The following HCN3 variants were observed in gnomAD, a reference collection of about 807,000 sequenced individuals.
The protein encoded by HCN3 is hyperpolarization activated cyclic nucleotide gated potassium channel 3, also known as potassium/sodium hyperpolarization-activated cyclic nucleotide-gated channel 3.
A neutral mutation model predicts 56.8 loss-of-function variants in HCN3; 36 were observed. The observed-to-expected ratio is 0.63, with a 90% CI of 0.49 to 0.84. The LOEUF (loss-of-function observed/expected upper bound fraction) is 0.84, where lower values mean the gene tolerates loss of function less well. Ranked by LOEUF, HCN3 falls within the 40% of genes least tolerant of loss-of-function variation. HCN3 has a pLI of 0.00. For synonymous variants in HCN3, 425 were observed against 439.7 expected, an observed-to-expected ratio of 0.97 and a Z score of 0.42; for missense variants, 930 against 1,079.3, an observed-to-expected ratio of 0.86 and a Z score of 1.94.
chr1:155,287,834 A>G lies in HCN3; in HGVS notation c.1696A>G (p.Ser566Gly), dbSNP rs1335159897. 3.7e-6 allele frequency: 6 copies of G among 1,611,894 alleles called. No homozygotes were observed. Among genetic ancestry groups the G allele is most frequent in the South Asian group, 1.1e-5 (1 of 90,936 alleles). The change falls in exon 8 of 8, where the codon AGT becomes GGT. Residue 566 changes from serine (S) to glycine (G), a missense_variant. By Grantham distance (56) the Ser-to-Gly change is moderately conservative. Coordinates refer to ENST00000368358, the MANE Select transcript of HCN3 (RefSeq NM_020897.3). ...RKRSEPSPGS[S>G]GGIMEQHLVQ... The stretch of plus-strand genomic sequence containing the variant: ...GCGCTCCGAGCCAAGTCCAGGCAGC[A>G]GTGGTGGCATCATGGAGCAGCACTT...
Position 155,285,307 on chromosome 1 carries a change from G to C in HCN3, c.1232G>C (p.Arg411Pro), listed in dbSNP as rs112470069. ...CTGGGCGAGCTGAGCGAGCCGCTTC[G>C]CGAGGTGGGGCTGGGTTGGGCCTGG... ...SILGELSEPLREEIINFTCRG... is the reference protein window; with the variant it reads ...SILGELSEPLPEEIINFTCRG... The change falls in exon 5 of 8, where the codon CGC (arginine) becomes CCC (proline). Residue 411 changes from arginine to proline, a missense_variant. Coordinates refer to ENST00000368358, the MANE Select transcript of HCN3 (RefSeq NM_020897.3). The surrounding 1 kb of genome is among the most constrained non-coding windows in gnomAD (Gnocchi z 4.5). 6.2e-7 allele frequency: 1 copy of C among 1,613,914 alleles called. No homozygotes were observed. Among genetic ancestry groups the C allele is most frequent in the South Asian group, 1.1e-5 (1 of 91,060 alleles).
In HCN3 at chr1:155,285,030, T is replaced by A. The variant is rs1025601023; in HGVS notation, c.1090-135T>A. On this transcript the variant is annotated intron_variant, in intron 4 of 7. Coordinates refer to ENST00000368358, the MANE Select transcript of HCN3 (RefSeq NM_020897.3). The surrounding 1 kb of genome is among the most constrained non-coding windows in gnomAD (Gnocchi z 4.5). The stretch of plus-strand genomic sequence containing the variant: ...ATCCGTATTCCTCTGTGGCCCTGTG[T>A]ATCCATGTCTGGTTCCACGTTTCAC... 14 of 991,414 alleles carry A rather than the reference T, an allele frequency of 1.4e-5. No individual in the cohort carries two copies. Among genetic ancestry groups the A allele is most frequent in the East Asian group, 2.4e-5 (1 of 41,084 alleles). The allele number at this position is 991,414 out of a possible 1,614,324, so 61.4% of individuals were successfully genotyped here.
intron 7 of HCN3, among the ~76,000 whole-genome samples, 176 bp from the exon 8 acceptor site, chr1:155,287,605 A>G (rs893676310): frequency 2.0e-5 from 3 of 151,360 alleles, no homozygotes; most frequent in Admixed American, 1.3e-4. Flanking sequence ...TCTCTGATAC[A>G]TACCCTCTTC....
rs757212254 is a variant in HCN3 at position 155,285,855 on chromosome 1, G to A, written c.1368G>A (p.Val456=). 1.7e-5 allele frequency: 28 copies of A among 1,614,126 alleles called. No homozygotes were observed. The highest frequency in any genetic ancestry group is 2.4e-5 in the Non-Finnish European group (28 of 1,180,046). The change falls in exon 6 of 8, where the codon GTG becomes GTA. Residue 456 remains valine, a synonymous_variant. Transcript: ENST00000368358. This position sits in a 1 kb window ranked among gnomAD's most constrained non-coding sequence, Gnocchi z 4.5. ...FEVFQPGDLV[V]REGSVGRKMY... is the part of the protein sequence containing the mutation. The stretch of plus-strand genomic sequence containing the variant: ...TCTTCCAGCCGGGGGATCTCGTGGT[G>A]CGTGAGGGCTCCGTGGGGAGGAAGA...
At chr1:155,280,670 C>T (rs187684266) in intron 1 of HCN3, among the ~76,000 whole-genome samples, 4 of 150,260 alleles carry the variant, frequency 2.7e-5, no homozygotes, top group Admixed American at 1.3e-4. Context: ...AATCTCCTGA[C>T]CTTGTGATCT....
In HCN3 at chr1:155,285,165, T is replaced by C; in HGVS notation, c.1090T>C (p.Tyr364His). The change falls in exon 5 of 8, where the codon TAC becomes CAC. Residue 364 changes from tyrosine (Y) to histidine (H), a missense_variant and splice_region_variant. Transcript: ENST00000368358. This position sits in a 1 kb window ranked among gnomAD's most constrained non-coding sequence, Gnocchi z 4.5. ...CCCTGGCAATGGGCTGGCCCTCCAG[T>C]ACAAGCAGGTGGAGCAGTACATGTC... Reference protein sequence around the residue: ...DSSRRQYQEKYKQVEQYMSFH... With the variant: ...DSSRRQYQEKHKQVEQYMSFH... The C allele has an allele frequency of 6.2e-7, 1 of 1,613,768 alleles. No homozygotes were observed. The highest frequency in any genetic ancestry group is 8.5e-7 in the Non-Finnish European group (1 of 1,179,716).
At chr1:155,287,417 G>A (rs1674332939) in intron 7 of HCN3, 80 bp downstream of exon 7, 6 of 1,530,070 alleles carry the variant, frequency 3.9e-6, no homozygotes, top group Non-Finnish European at 5.4e-6. Flanking sequence ...CCAGGCTTTA[G>A]GGCTCCAGGG....
Position 155,280,684 on chromosome 1 carries a change from C to T in HCN3, c.279-1727C>T, listed in dbSNP as rs1302110029. ...CAATCTCCTGACCTTGTGATCTGCC[C>T]ACCTTGGCCTCCCAAAGTGCTGGGA... On this transcript the variant is annotated intron_variant, in intron 1 of 7. Transcript: ENST00000368358. Among the ~76,000 whole-genome samples, 4 of 151,198 alleles carry T rather than the reference C, an allele frequency of 2.6e-5. No individual in the cohort carries two copies. The East Asian group carries it at 7.7e-4, about 29-fold the overall frequency.
At chr1:155,286,224 A>C (rs994930056) in intron 6 of HCN3, among the ~76,000 whole-genome samples, 2 of 151,978 alleles carry the variant, frequency 1.3e-5, no homozygotes, top group Non-Finnish European at 2.9e-5. Context: ...CGGCTCACTG[A>C]AAGCTCTGCC....
At chr1:155,283,849 T>C (rs1202203622) in intron 2 of HCN3, 125 bp from the exon 3 acceptor site, 1 of 936,346 alleles carries the variant, frequency 1.1e-6, no homozygotes, top group African/African-American at 1.7e-5. Context: ...ATAATAGTTG[T>C]ATTTTTTAAT....
chr1:155,279,251 C>A (rs890931628), intron 1 of HCN3, among the ~76,000 whole-genome samples: 6 of 152,064 alleles, frequency 3.9e-5, no homozygotes, highest in African/African-American at 1.4e-4. Flanking sequence ...TAACTGAGTC[C>A]CTGAGATTTT....
chr1:155,288,746 G>A lies in HCN3; in HGVS notation c.*283G>A. 2.2e-6 allele frequency: 1 copy of A among 445,726 alleles called. No homozygotes were observed. Among genetic ancestry groups the A allele is most frequent in the Non-Finnish European group, 3.9e-6 (1 of 253,754 alleles). The allele number at this position is 445,726 out of a possible 1,614,324, so 27.6% of individuals were successfully genotyped here. A position where few individuals can be genotyped will look rare whatever the true frequency, so the allele number is the denominator to read the frequency against. The stretch of plus-strand genomic sequence containing the variant: ...CGCTGTATGTCTCCACTGCCAAGTA[G>A]AAGTGACTCAAAACCCTCTGACAAG... On this transcript the variant is annotated 3_prime_UTR_variant, in exon 8 of 8. Coordinates refer to ENST00000368358, the MANE Select transcript of HCN3 (RefSeq NM_020897.3). The surrounding 1 kb of genome is among the most constrained non-coding windows in gnomAD (Gnocchi z 6.5).
Position 155,285,437 on chromosome 1 carries a change from C to G in HCN3, c.1236+126C>G. 2 of 1,305,822 alleles carry G rather than the reference C, an allele frequency of 1.5e-6. No homozygotes were observed. The highest frequency in any genetic ancestry group is 5.0e-5 in the East Asian group (2 of 39,920). 80.9% of individuals were successfully genotyped at this position (1,305,822 alleles called of 1,614,324 possible). ...GCCTGCAGAGGGCCCCGTGGGAGGC[C>G]AGGTATTTGGGCTTTCAGGGGCTAG... On this transcript the variant is annotated intron_variant, in intron 5 of 7. Coordinates refer to ENST00000368358, the MANE Select transcript of HCN3 (RefSeq NM_020897.3). The surrounding 1 kb of genome is among the most constrained non-coding windows in gnomAD (Gnocchi z 4.5).
rs141108222 is a variant in HCN3, at chr1:155,285,223, G to A, written c.1148G>A (p.Arg383His). The A allele has an allele frequency of 1.9e-4, 307 of 1,614,202 alleles. 1 individual carries two copies. In the African/African-American group the frequency reaches 3.3e-3, roughly 18 times the overall value. Residue 383 changes from arginine to histidine, a missense_variant, in exon 5 of 8, where the codon CGC (arginine) becomes CAC (histidine). Physicochemically the swap from Arg to His is conservative, Grantham distance 29. Transcript: ENST00000368358. This position sits in a 1 kb window ranked among gnomAD's most constrained non-coding sequence, Gnocchi z 4.5. Reference sequence around the variant, plus strand: ...AAGCTGCCAGCAGACACGCGGCAGCGCATCCACGAGTACTATGAGCACCGC... The same window carrying A: ...AAGCTGCCAGCAGACACGCGGCAGCACATCCACGAGTACTATGAGCACCGC... ...FHKLPADTRQ[R>H]IHEYYEHRYQ...
chr1:155,286,046 T>C (rs11264352), intron 6 of HCN3, 82 bp downstream of exon 6: 444,974 of 1,506,036 alleles, frequency 0.3, 73,033 homozygotes, highest in East Asian at 0.72. Context: ...GGTCCCTGCC[T>C]CAGTACGCTG....
chr1:155,282,894 G>A lies in HCN3; in HGVS notation c.708+54G>A, dbSNP rs144875017. 14 of 1,432,422 alleles carry A rather than the reference G, an allele frequency of 9.8e-6. No individual in the cohort carries two copies. In the South Asian group the frequency reaches 1.6e-4, roughly 17 times the overall value. The allele number at this position is 1,432,422 out of a possible 1,614,324, so 88.7% of individuals were successfully genotyped here. A position where few individuals can be genotyped will look rare whatever the true frequency, so the allele number is the denominator to read the frequency against. On this transcript the variant is annotated intron_variant, in intron 2 of 7. Coordinates refer to ENST00000368358, the MANE Select transcript of HCN3 (RefSeq NM_020897.3). The surrounding 1 kb of genome is among the most constrained non-coding windows in gnomAD (Gnocchi z 4.7). ...GTGGGTGGGGGATGTTGGGGGAGAA[G>A]GGGGCGGGGCGGCTGGTGGACTTCT...
Position 155,288,042 on chromosome 1 carries a change from C to T in HCN3, c.1904C>T (p.Pro635Leu), listed in dbSNP as rs1426036173. The T allele has an allele frequency of 6.2e-7, 1 of 1,613,892 alleles. No homozygotes were observed. Among genetic ancestry groups the T allele is most frequent in the Non-Finnish European group, 8.5e-7 (1 of 1,179,976 alleles). ...CAGCGGGGCCCTCTGCCCCTCTCCC[C>T]TGACTCTCCAGCCACCCTCCTTGCT... ...THQRGPLPLSPDSPATLLARS... is the reference protein window; with the variant it reads ...THQRGPLPLSLDSPATLLARS... Residue 635 changes from proline to leucine, a missense_variant, in exon 8 of 8, where the codon CCT becomes CTT. By Grantham distance (98) the Pro-to-Leu change is moderately conservative (BLOSUM62 -3). Coordinates refer to ENST00000368358, the MANE Select transcript of HCN3 (RefSeq NM_020897.3). This position sits in a 1 kb window ranked among gnomAD's most constrained non-coding sequence, Gnocchi z 6.5.
rs199623311 is a variant in HCN3 at position 155,284,646 on chromosome 1, G to T, written c.978G>T (p.Trp326Cys). 88 of 1,614,212 alleles carry T rather than the reference G, an allele frequency of 5.5e-5. No individual in the cohort carries two copies. In the Admixed American group the frequency reaches 1.4e-3, roughly 25 times the overall value. The change falls in exon 4 of 8, where the codon TGG (tryptophan) becomes TGT (cysteine). Residue 326 changes from tryptophan to cysteine, a missense_variant. Coordinates refer to ENST00000368358, the MANE Select transcript of HCN3 (RefSeq NM_020897.3). The surrounding 1 kb of genome is among the most constrained non-coding windows in gnomAD (Gnocchi z 4.3). Reference sequence around the variant, plus strand: ...CACCTGTAGGCATGCCCGACGTCTGGCTCACCATGCTCAGCATGATCGTAG... The same window carrying T: ...CACCTGTAGGCATGCCCGACGTCTGTCTCACCATGCTCAGCATGATCGTAG... ...QQAPVGMPDV[W>C]LTMLSMIVGA...
chr1:155,282,386 ACTC>A lies in HCN3; in HGVS notation c.279-21_279-19del. 6.2e-7 allele frequency: 1 copy of A among 1,608,056 alleles called. No individual in the cohort carries two copies. Among genetic ancestry groups the A allele is most frequent in the African/African-American group, 1.3e-5 (1 of 74,828 alleles). Reference sequence around the variant, plus strand: ...GCTGGTGAAATATCCTCATGGTCTTACTCCTCATCTCACTCCCACCTTAGGTTT... The same window carrying A: ...GCTGGTGAAATATCCTCATGGTCTTACTCATCTCACTCCCACCTTAGGTTT... On this transcript the variant is annotated intron_variant, in intron 1 of 7. Coordinates refer to ENST00000368358, the MANE Select transcript of HCN3 (RefSeq NM_020897.3). This position sits in a 1 kb window ranked among gnomAD's most constrained non-coding sequence, Gnocchi z 4.7.
Sources: gnomAD v4.1 joint callset for allele counts (sites outside exome capture counted in the v4.1 genomes callset) on GRCh38, gnomAD v4.1.1 for gene constraint, Gnocchi (gnomAD v3.1) non-coding constraint, MANE v1.5 for transcripts, NCBI Gene and HGNC (gene_info 2026-07-23, HGNC 2026-07-21) for gene names.